Variants in CCDC148 observed in about 807,000 individuals in gnomAD.
The protein encoded by CCDC148 is coiled-coil domain-containing protein 148.
Under a neutral mutation model 85.7 loss-of-function variants are expected in CCDC148, and 89 were observed. The observed-to-expected ratio is 1.04, with a 90% CI of 0.87 to 1.24. The LOEUF (loss-of-function observed/expected upper bound fraction) is 1.24. Ranked by LOEUF, CCDC148 falls within the 50% of genes most tolerant of loss-of-function variation. CCDC148 has a pLI of 0.00. For missense variants in CCDC148, 692 were observed against 671.7 expected (o/e 1.03, Z -0.33); for synonymous variants, 230 against 213.9 (o/e 1.08, Z -0.66).
intron 13 of CCDC148, among the ~76,000 whole-genome samples, chr2:158,174,531 C>A (rs1282046968): frequency 6.6e-6 from 1 of 150,956 alleles, no homozygotes; most frequent in Non-Finnish European, 1.5e-5. Flanking sequence ...CACATAATGA[C>A]AGGGATACAT....
At chr2:158,366,340 A>AG (rs1374172915) in intron 1 of CCDC148, among the ~76,000 whole-genome samples, 1 of 152,140 alleles carries the variant, frequency 6.6e-6, no homozygotes, top group Non-Finnish European at 1.5e-5. Flanking sequence ...CTGATAAAAA[A>AG]TTTGTTATTA....
chr2:158,378,120 T>C lies in CCDC148; in HGVS notation c.26-19550A>G, dbSNP rs545975583. On this transcript the variant is annotated intron_variant, in intron 1 of 13. Coordinates refer to ENST00000283233, the MANE Select transcript of CCDC148 (RefSeq NM_138803.4). The stretch of plus-strand genomic sequence containing the variant: ...GACCTCTTGTGCCAGTTAGCCAAGC[T>C]GTGAATGCAAAGGAAAAGTTCTTGA... Among the ~76,000 whole-genome samples, 7 of 152,206 alleles carry C rather than the reference T, an allele frequency of 4.6e-5. No individual in the cohort carries two copies. The South Asian group carries it at 1.5e-3, about 32-fold the overall frequency.
At chr2:158,272,944 C>T (rs1689764294) in intron 9 of CCDC148, among the ~76,000 whole-genome samples, 1 of 152,104 alleles carries the variant, frequency 6.6e-6, no homozygotes, top group South Asian at 2.1e-4. Context: ...CCACATTGCT[C>T]TCTATAAATA....
At chr2:158,175,617 T>G (rs745726925) in intron 13 of CCDC148, among the ~76,000 whole-genome samples, 35 of 152,190 alleles carry the variant, frequency 2.3e-4, no homozygotes, top group Admixed American at 2.0e-3. Context: ...CTTGCTCTGA[T>G]GTAGCCCAGG....
chr2:158,433,095 T>A (rs868056283), intron 1 of CCDC148, among the ~76,000 whole-genome samples: 4,797 of 110,596 alleles, frequency 0.043, 201 homozygotes, highest in Non-Finnish European at 0.066. Context: ...AAAAAAAATA[T>A]ATATATATAT....
At chr2:158,191,012 G>C (rs1236109399) in intron 11 of CCDC148, among the ~76,000 whole-genome samples, 1 of 151,882 alleles carries the variant, frequency 6.6e-6, no homozygotes, top group African/African-American at 2.4e-5. Flanking sequence ...TAATATTTCG[G>C]TCTAGTTCTA....
intron 11 of CCDC148, among the ~76,000 whole-genome samples, chr2:158,219,040 C>T (rs1387149285): frequency 6.6e-6 from 1 of 152,152 alleles, no homozygotes; most frequent in African/African-American, 2.4e-5. Context: ...TTCCTAGATA[C>T]AAGTGAATCT....
chr2:158,225,200 G>GA (rs1687436581), intron 10 of CCDC148, among the ~76,000 whole-genome samples: 1 of 152,082 alleles, frequency 6.6e-6, no homozygotes, highest in Non-Finnish European at 1.5e-5. Context: ...GATCAAAAGA[G>GA]ACAAAGAAGG....
At chr2:158,221,875 C>T (rs767227698) in intron 10 of CCDC148, among the ~76,000 whole-genome samples, 2 of 152,024 alleles carry the variant, frequency 1.3e-5, no homozygotes, top group Non-Finnish European at 2.9e-5. Flanking sequence ...AAGGCAGCAG[C>T]ACCCAAGATG....
intron 1 of CCDC148, among the ~76,000 whole-genome samples, chr2:158,411,479 C>T (rs1686256128): frequency 6.6e-6 from 1 of 151,850 alleles, no homozygotes; most frequent in Non-Finnish European, 1.5e-5. Flanking sequence ...TATAGAAACT[C>T]TTTATTGCAT....
chr2:158,251,677 T>A (rs1022285791), intron 9 of CCDC148, among the ~76,000 whole-genome samples: 3 of 151,834 alleles, frequency 2.0e-5, no homozygotes, highest in Non-Finnish European at 4.4e-5. Context: ...GGTTCTTTTA[T>A]ACAATGACTG....
intron 9 of CCDC148, among the ~76,000 whole-genome samples, chr2:158,271,664 C>A (rs953251993): frequency 6.6e-6 from 1 of 152,242 alleles, no homozygotes; most frequent in African/African-American, 2.4e-5. Context: ...TTGTTCAGCT[C>A]TTACTGTGCC....
intron 1 of CCDC148, among the ~76,000 whole-genome samples, chr2:158,410,061 C>G (rs1486508884): frequency 6.6e-6 from 1 of 152,138 alleles, no homozygotes; most frequent in East Asian, 1.9e-4. Context: ...ATTATTTTTT[C>G]CCTAGTCTTA....
chr2:158,290,394 A>G (rs145794919), intron 9 of CCDC148, among the ~76,000 whole-genome samples: 27 of 152,238 alleles, frequency 1.8e-4, no homozygotes, highest in Non-Finnish European at 3.5e-4. Context: ...TATCATGCCT[A>G]CAGTTCGACT....
rs547816118 is a variant in CCDC148 at position 158,413,849 on chromosome 2, C to T, written c.25+42566G>A. On this transcript the variant is annotated intron_variant, in intron 1 of 13. Transcript: ENST00000283233. Reference sequence around the variant, plus strand: ...TTTGTTACCACTGGACTAAATAACTCGTGAGTGCTTATTTAATCTTTCAAA... The same window carrying T: ...TTTGTTACCACTGGACTAAATAACTTGTGAGTGCTTATTTAATCTTTCAAA... Among the ~76,000 whole-genome samples, 4 of 152,224 alleles carry T rather than the reference C, an allele frequency of 2.6e-5. No homozygotes were observed. The South Asian group carries it at 8.3e-4, about 32-fold the overall frequency.
At chr2:158,223,258 C>T (rs1353686700) in intron 10 of CCDC148, among the ~76,000 whole-genome samples, 4 of 152,250 alleles carry the variant, frequency 2.6e-5, no homozygotes, top group South Asian at 2.1e-4. Flanking sequence ...AAGGCAGCAG[C>T]GAGGCTGGGG....
At chr2:158,281,270 C>T (rs966519057) in intron 9 of CCDC148, among the ~76,000 whole-genome samples, 46 of 152,032 alleles carry the variant, frequency 3.0e-4, no homozygotes, top group African/African-American at 7.0e-4. Flanking sequence ...CAAGAAATAA[C>T]GAAAATCAGA....
At chr2:158,427,180 A>T (rs1687116914) in intron 1 of CCDC148, among the ~76,000 whole-genome samples, 1 of 152,208 alleles carries the variant, frequency 6.6e-6, no homozygotes, top group Non-Finnish European at 1.5e-5. Context: ...ATAAATAGTC[A>T]TTCAGAACAG....
chr2:158,221,247 T>C (rs1184169682), intron 10 of CCDC148, among the ~76,000 whole-genome samples: 1 of 152,160 alleles, frequency 6.6e-6, no homozygotes, highest in African/African-American at 2.4e-5. Context: ...AGGGTTGTGG[T>C]ATATAGTAGT....
Sources: allele counts gnomAD v4.1 joint callset (sites outside exome capture counted in the v4.1 genomes callset), GRCh38; gene constraint gnomAD v4.1.1; transcripts MANE v1.5; gene names NCBI Gene and HGNC (gene_info 2026-07-23, HGNC 2026-07-21).